Variants in TRDN observed in about 807,000 individuals in gnomAD.
TRDN encodes triadin in skeletal muscle.
A neutral mutation model predicts 149.7 loss-of-function variants in TRDN; 161 were observed. That is an observed-to-expected ratio of 1.08 (90% CI 0.95 to 1.23). TRDN has a LOEUF of 1.23. Among genes scored for constraint, TRDN ranks in the 50% most tolerant of loss-of-function variants. The pLI, the probability that TRDN is intolerant of heterozygous loss-of-function variation, is 0.00. For synonymous variants in TRDN, 294 were observed against 250.5 expected (o/e 1.17, Z -1.64); for missense variants, 896 against 823.5 (o/e 1.09, Z -1.08).
intron 21 of TRDN, among the ~76,000 whole-genome samples, chr6:123,342,171 A>G (rs1057019706): frequency 1.6e-4 from 25 of 152,066 alleles, no homozygotes; most frequent in African/African-American, 6.0e-4. Context: ...ACTTTAGTTC[A>G]TCTCTGTCTA....
At chr6:123,415,786 C>T (rs1183991877) in intron 12 of TRDN, among the ~76,000 whole-genome samples, 1 of 152,092 alleles carries the variant, frequency 6.6e-6, no homozygotes, top group Non-Finnish European at 1.5e-5. Flanking sequence ...TATTTATTCC[C>T]TACTATGTGA....
intron 14 of TRDN, among the ~76,000 whole-genome samples, chr6:123,384,008 C>G (rs1271365135): frequency 6.6e-6 from 1 of 152,058 alleles, no homozygotes. Flanking sequence ...GCTCTGAAAA[C>G]CAATGTGAAA....
At chr6:123,267,277 G>T (rs1373840713) in intron 32 of TRDN, among the ~76,000 whole-genome samples, 1 of 151,806 alleles carries the variant, frequency 6.6e-6, no homozygotes, top group Non-Finnish European at 1.5e-5. Flanking sequence ...CATTTTAAAA[G>T]AATTAAGCTA....
Position 123,325,612 on chromosome 6 carries a change from C to T in TRDN, c.1471+6267G>A, listed in dbSNP as rs147759787. On this transcript the variant is annotated intron_variant, in intron 23 of 40. Coordinates refer to ENST00000334268, the MANE Select transcript of TRDN (RefSeq NM_006073.4). ...CAGTTTCAAAAGACAAAATAAATCC[C>T]TGTTATATCAGTTTAAACAGAATCA... Among the ~76,000 whole-genome samples the T allele has an allele frequency of 7.9e-5, 12 of 152,066 alleles. No homozygotes were observed. The East Asian group carries it at 2.3e-3, about 29-fold the overall frequency.
Position 123,612,697 on chromosome 6 carries a change from G to A in TRDN, c.22+24057C>T, listed in dbSNP as rs185418569. Among the ~76,000 whole-genome samples the A allele has an allele frequency of 3.4e-4, 51 of 152,178 alleles. 1 individual carries two copies. The highest frequency in any genetic ancestry group is 1.0e-3 in the South Asian group (5 of 4,822). ...GGACTACAGGCACGCACCACTGTGC[G>A]TCAAGATGAAGACATCTTGACATAA... On this transcript the variant is annotated intron_variant, in intron 1 of 40. Transcript: ENST00000334268.
intron 18 of TRDN, among the ~76,000 whole-genome samples, chr6:123,376,542 G>A (rs147225335): frequency 6.6e-6 from 1 of 152,038 alleles, no homozygotes; most frequent in African/African-American, 2.4e-5. Context: ...AAAACAGTCG[G>A]CTTCTTCCAA....
chr6:123,395,864 A>G (rs1772704394), intron 12 of TRDN, among the ~76,000 whole-genome samples: 1 of 152,186 alleles, frequency 6.6e-6, no homozygotes, highest in Non-Finnish European at 1.5e-5. Context: ...CAGTTGCACG[A>G]ACCTCAATTG....
chr6:123,391,618 C>T (rs1425781400), intron 13 of TRDN, among the ~76,000 whole-genome samples: 2 of 151,742 alleles, frequency 1.3e-5, no homozygotes, highest in Non-Finnish European at 2.9e-5. Flanking sequence ...AAAATAATTT[C>T]CTTAAATTAT....
chr6:123,357,824 G>A (rs1041983224), intron 20 of TRDN, among the ~76,000 whole-genome samples: 9 of 152,248 alleles, frequency 5.9e-5, no homozygotes, highest in Middle Eastern at 3.4e-3. Context: ...TCTTTTCAAC[G>A]ATGGGTTCAT....
intron 2 of TRDN, among the ~76,000 whole-genome samples, chr6:123,564,828 A>G (rs1363849182): frequency 6.6e-6 from 1 of 152,176 alleles, no homozygotes; most frequent in Non-Finnish European, 1.5e-5. Flanking sequence ...ATTGGTTTGA[A>G]ATAAGTATAT....
intron 24 of TRDN, among the ~76,000 whole-genome samples, chr6:123,281,520 A>G (rs143021537): frequency 6.6e-6 from 1 of 152,188 alleles, no homozygotes; most frequent in East Asian, 1.9e-4. Context: ...CTCCAGTGGT[A>G]GGAAAGGATA....
intron 14 of TRDN, among the ~76,000 whole-genome samples, chr6:123,383,043 C>T (rs944479981): frequency 2.0e-5 from 3 of 151,958 alleles, no homozygotes; most frequent in African/African-American, 7.2e-5. Flanking sequence ...CAAAAGGTAG[C>T]TAAATTGTTT....
intron 24 of TRDN, among the ~76,000 whole-genome samples, chr6:123,313,035 A>C (rs1778891253): frequency 6.6e-6 from 1 of 152,020 alleles, no homozygotes; most frequent in East Asian, 1.9e-4. Context: ...CAAATACCAT[A>C]TAAAAATAGA....
At chr6:123,438,474 A>T (rs1774705895) in intron 11 of TRDN, among the ~76,000 whole-genome samples, 1 of 152,168 alleles carries the variant, frequency 6.6e-6, no homozygotes, top group South Asian at 2.1e-4. Context: ...CACCAGAACC[A>T]TGTCAAAAGT....
chr6:123,372,396 A>G (rs917454693), intron 19 of TRDN, among the ~76,000 whole-genome samples: 2 of 152,142 alleles, frequency 1.3e-5, no homozygotes, highest in Non-Finnish European at 2.9e-5. Context: ...GTGGCTGAAC[A>G]TAACACCCAA....
At chr6:123,390,380 AT>A (rs1782061827) in intron 13 of TRDN, among the ~76,000 whole-genome samples, 1 of 152,200 alleles carries the variant, frequency 6.6e-6, no homozygotes, top group Non-Finnish European at 1.5e-5. Context: ...GTACATATGC[AT>A]ATAGAGATGC....
chr6:123,583,836 A>G lies in TRDN; in HGVS notation c.23-12704T>C, dbSNP rs553691101. ...CAGTCCTGGGTGGGGCCAAATCCTC[A>G]AGCTTGATGTGTAGGGAAGGGAGGG... is the stretch of plus-strand genomic sequence containing the variant. On this transcript the variant is annotated intron_variant, in intron 1 of 40. Transcript: ENST00000334268. 66 of 181,024 alleles carry G rather than the reference A, an allele frequency of 3.6e-4. 2 individuals carry two copies. The South Asian group carries it at 6.5e-3, about 18-fold the overall frequency. The allele number at this position is 181,024 out of a possible 1,614,324, so 11.2% of individuals were successfully genotyped here.
intron 20 of TRDN, 81 bp from the exon 21 acceptor site, chr6:123,352,667 T>G: frequency 6.6e-7 from 1 of 1,512,840 alleles, no homozygotes; most frequent in Non-Finnish European, 8.8e-7. Flanking sequence ...TTGGAGTTCT[T>G]TCAATGCTAA....
At chr6:123,311,824 G>T (rs1254755615) in intron 24 of TRDN, among the ~76,000 whole-genome samples, 3 of 151,978 alleles carry the variant, frequency 2.0e-5, no homozygotes, top group Admixed American at 6.6e-5. Flanking sequence ...ACTGTATTTA[G>T]ATGTTGTGCA....
Sources: gnomAD v4.1 joint callset for allele counts (sites outside exome capture counted in the v4.1 genomes callset) on GRCh38, gnomAD v4.1.1 for gene constraint, MANE v1.5 for transcripts, NCBI Gene and HGNC (gene_info 2026-07-23, HGNC 2026-07-21) for gene names.